Variants in KCNK1 observed in about 807,000 individuals in gnomAD.
KCNK1 encodes potassium channel subfamily K member 1.
KCNK1 carries 10 observed loss-of-function variants against 22.2 expected under a neutral mutation model. The observed-to-expected ratio is 0.45, with a 90% CI of 0.28 to 0.76. KCNK1 has a LOEUF of 0.76. Among genes scored for constraint, KCNK1 ranks in the 30% least tolerant of loss-of-function variants. KCNK1 has a pLI of 0.14. For synonymous variants in KCNK1, 200 were observed against 186.4 expected, an observed-to-expected ratio of 1.07 and a Z score of -0.60; for missense variants, 378 against 421.0, an observed-to-expected ratio of 0.90 and a Z score of 0.89.
chr1:233,645,416 T>A (rs2102898024), intron 1 of KCNK1, among the ~76,000 whole-genome samples: 1 of 151,998 alleles, frequency 6.6e-6, no homozygotes, highest in Middle Eastern at 3.4e-3. Flanking sequence ...CTAAATCCAA[T>A]GGGAAGTATT....
In KCNK1 at chr1:233,614,437, G is replaced by A; in HGVS notation, c.266G>A (p.Gly89Asp). The A allele has an allele frequency of 6.2e-7, 1 of 1,613,376 alleles. No individual in the cohort carries two copies. The highest frequency in any genetic ancestry group is 8.5e-7 in the Non-Finnish European group (1 of 1,179,780). Residue 89 changes from glycine (G) to aspartate (D), a missense_variant, in exon 1 of 3, where the codon GGC (glycine) becomes GAC (aspartate). Gly to Asp is a moderately conservative substitution (Grantham distance 94). Transcript: ENST00000366621. ...LGRVLEASNY[G>D]VSVLSNASGN... ...CGGGTGCTGGAGGCCAGCAACTACGGCGTGTCGGTGCTCAGCAACGCCTCG... is the reference window on the plus strand; with the variant it reads ...CGGGTGCTGGAGGCCAGCAACTACGACGTGTCGGTGCTCAGCAACGCCTCG...
At position 233,671,826 on chromosome 1, in the gene KCNK1, G is replaced by T; in HGVS notation, c.*296G>T. ...ATACTTGAAGCAGTATGCTGCTGTG[G>T]TTAGAAGCAGATTTTATACTTTTAA... On this transcript the variant is annotated 3_prime_UTR_variant, in exon 3 of 3. Transcript: ENST00000366621. 1 of 318,068 alleles carries T rather than the reference G, an allele frequency of 3.1e-6. No homozygotes were observed. The highest frequency in any genetic ancestry group is 5.8e-6 in the Non-Finnish European group (1 of 172,742). 19.7% of individuals were successfully genotyped at this position (318,068 alleles called of 1,614,324 possible). A position where few individuals can be genotyped will look rare whatever the true frequency, so the allele number is the denominator to read the frequency against.
At chr1:233,656,610 ATTTC>A (rs1400593240) in intron 1 of KCNK1, among the ~76,000 whole-genome samples, 5 of 152,016 alleles carry the variant, frequency 3.3e-5, no homozygotes, top group Non-Finnish European at 7.4e-5. Context: ...TCAATTATTT[ATTTC>A]TTTATTATTT....
chr1:233,614,628 C>T (rs1657450884), intron 1 of KCNK1, 102 bp downstream of exon 1: 2 of 884,962 alleles, frequency 2.3e-6, no homozygotes, highest in Admixed American at 2.9e-5. Context: ...CCCACCCCAC[C>T]CCCCACCTTT....
chr1:233,632,525 A>C (rs550492477), intron 1 of KCNK1, among the ~76,000 whole-genome samples: 1 of 151,992 alleles, frequency 6.6e-6, no homozygotes, highest in Non-Finnish European at 1.5e-5. Context: ...GTCAGGATTC[A>C]ATGTAGATGC....
Position 233,662,229 on chromosome 1 carries a change from T to C in KCNK1, c.356-4366T>C, listed in dbSNP as rs565929801. 7.3e-5 allele frequency among the ~76,000 whole-genome samples: 10 copies of C among 137,032 alleles called. No individual in the cohort carries two copies. The South Asian group carries it at 2.4e-3, about 34-fold the overall frequency. 89.9% of individuals were successfully genotyped at this position (137,032 alleles called of 152,430 possible). A position where few individuals can be genotyped will look rare whatever the true frequency, so the allele number is the denominator to read the frequency against. On this transcript the variant is annotated intron_variant, in intron 1 of 2. Coordinates refer to ENST00000366621, the MANE Select transcript of KCNK1 (RefSeq NM_002245.4). ...TTTCGTAGCTGCTGCTGCTGCTTCT[T>C]CTTCTTCTCCTTCTTCTTCTTCTTC...
intron 1 of KCNK1, among the ~76,000 whole-genome samples, chr1:233,644,731 A>T (rs979084448): frequency 6.6e-6 from 1 of 152,144 alleles, no homozygotes; most frequent in African/African-American, 2.4e-5. Flanking sequence ...TGAAGAGTAG[A>T]CAGAAGGCCC....
chr1:233,669,301 C>T (rs1415087816), intron 2 of KCNK1, among the ~76,000 whole-genome samples: 1 of 152,140 alleles, frequency 6.6e-6, no homozygotes, highest in Admixed American at 6.5e-5. Context: ...ATAAATTTTG[C>T]CCAACCACTT....
At chr1:233,661,063 C>G (rs780081) in intron 1 of KCNK1, among the ~76,000 whole-genome samples, 2,560 of 152,292 alleles carry the variant, frequency 0.017, 44 homozygotes, top group Middle Eastern at 0.075. Context: ...TCTGCATACA[C>G]TACAGCTTAT....
chr1:233,641,038 C>T (rs1571896491), intron 1 of KCNK1, among the ~76,000 whole-genome samples: 1 of 152,050 alleles, frequency 6.6e-6, no homozygotes, highest in African/African-American at 2.4e-5. Flanking sequence ...AGGCGATGCC[C>T]GAGGGTGTCG....
At chr1:233,623,734 G>A (rs1348458996) in intron 1 of KCNK1, among the ~76,000 whole-genome samples, 1 of 152,096 alleles carries the variant, frequency 6.6e-6, no homozygotes, top group South Asian at 2.1e-4. Context: ...GACCACAGGC[G>A]CATGCCACCA....
chr1:233,636,984 CAGG>C (rs1657910140), intron 1 of KCNK1, among the ~76,000 whole-genome samples: 2 of 152,082 alleles, frequency 1.3e-5, no homozygotes, highest in African/African-American at 4.8e-5. Flanking sequence ...ATCATGAGGT[CAGG>C]AGATCAAGAC....
rs566229396 is a variant in KCNK1, at chr1:233,628,226, T to A, written c.355+13700T>A. The stretch of plus-strand genomic sequence containing the variant: ...GCAAATCAAATTGTCATCGGTGATA[T>A]CAGGCTGAATGAATACTATTGAAAA... On this transcript the variant is annotated intron_variant, in intron 1 of 2. Coordinates refer to ENST00000366621, the MANE Select transcript of KCNK1 (RefSeq NM_002245.4). 1.6e-4 allele frequency among the ~76,000 whole-genome samples: 24 copies of A among 152,228 alleles called. No homozygotes were observed. In the South Asian group the frequency reaches 5.0e-3, roughly 32 times the overall value.
intron 2 of KCNK1, among the ~76,000 whole-genome samples, chr1:233,667,562 G>C (rs553653634): frequency 2.8e-4 from 42 of 151,590 alleles, no homozygotes; most frequent in Non-Finnish European, 4.9e-4. Flanking sequence ...AACCCCGTCT[G>C]TACTAAAAAT....
At position 233,619,100 on chromosome 1, in the gene KCNK1, C is replaced by G. The variant is rs370909421; in HGVS notation, c.355+4574C>G. ...TGACACTATCGTGGGTCACTTCAGCCTCTAACTCCTGGGCTTAGTTGATCC... is the reference window on the plus strand; with the variant it reads ...TGACACTATCGTGGGTCACTTCAGCGTCTAACTCCTGGGCTTAGTTGATCC... On this transcript the variant is annotated intron_variant, in intron 1 of 2. Transcript: ENST00000366621. 2.6e-5 allele frequency among the ~76,000 whole-genome samples: 4 copies of G among 152,230 alleles called. No individual in the cohort carries two copies. The South Asian group carries it at 6.2e-4, about 24-fold the overall frequency.
chr1:233,657,402 C>A (rs1428778362), intron 1 of KCNK1, among the ~76,000 whole-genome samples: 1 of 152,032 alleles, frequency 6.6e-6, no homozygotes, highest in East Asian at 1.9e-4. Flanking sequence ...TACCCATATC[C>A]AGTAGTGGGT....
intron 1 of KCNK1, among the ~76,000 whole-genome samples, chr1:233,651,877 G>A (rs746264100): frequency 2.0e-5 from 3 of 152,184 alleles, no homozygotes; most frequent in Non-Finnish European, 2.9e-5. Context: ...CCTACAAGAC[G>A]TTTATGTGGA....
At chr1:233,637,560 T>G (rs1359819724) in intron 1 of KCNK1, 2 of 152,202 alleles carry the variant, frequency 1.3e-5, no homozygotes, top group Non-Finnish European at 2.9e-5. Flanking sequence ...CAAATTAAAA[T>G]TTTCCATTTG....
intron 1 of KCNK1, among the ~76,000 whole-genome samples, chr1:233,649,747 C>A (rs900584663): frequency 3.3e-5 from 5 of 152,178 alleles, no homozygotes. Flanking sequence ...AATCACCTCC[C>A]AAAGGCCCTA....
Sources: gnomAD v4.1 joint callset for allele counts (sites outside exome capture counted in the v4.1 genomes callset) on GRCh38, gnomAD v4.1.1 for gene constraint, MANE v1.5 for transcripts, NCBI Gene and HGNC (gene_info 2026-07-23, HGNC 2026-07-21) for gene names.